Variants in PIBF1 observed in about 807,000 individuals in gnomAD.
PIBF1 encodes the protein progesterone-induced-blocking factor 1.
Under a neutral mutation model 112.5 loss-of-function variants are expected in PIBF1, and 90 were observed. That is an observed-to-expected ratio of 0.80 (90% CI 0.67 to 0.95). The LOEUF (loss-of-function observed/expected upper bound fraction) is 0.95, where lower values mean the gene tolerates loss of function less well. PIBF1 is among the 40% of genes least tolerant of loss of function. The pLI, the probability that PIBF1 is intolerant of heterozygous loss-of-function variation, is 0.00. For synonymous variants in PIBF1, 301 were observed against 288.6 expected (o/e 1.04, Z -0.44); for missense variants, 915 against 852.3 (o/e 1.07, Z -0.92).
intron 14 of PIBF1, among the ~76,000 whole-genome samples, chr13:72,957,497 C>A (rs1239079046): frequency 2.0e-5 from 3 of 152,024 alleles, no homozygotes; most frequent in Admixed American, 2.0e-4. Flanking sequence ...ATACAGTGGA[C>A]TTTGGGGACT....
intron 17 of PIBF1, among the ~76,000 whole-genome samples, chr13:73,004,691 T>C (rs1256655921): frequency 6.6e-6 from 1 of 152,126 alleles, no homozygotes. Context: ...AAAAGGGAAA[T>C]AAAAGTAGAT....
chr13:72,811,054 G>A (rs572024634), intron 5 of PIBF1, among the ~76,000 whole-genome samples: 2 of 152,108 alleles, frequency 1.3e-5, no homozygotes, highest in Admixed American at 6.6e-5. Context: ...TAGAGACAGG[G>A]TTTCACTGTG....
chr13:72,987,866 T>TTTA (rs2043353689), intron 16 of PIBF1, among the ~76,000 whole-genome samples: 4 of 98,148 alleles, frequency 4.1e-5, no homozygotes, highest in African/African-American at 1.7e-4. Flanking sequence ...TTATTTTTTT[T>TTTA]TTTTTTTTTT....
chr13:72,847,550 G>T (rs1252647539), intron 9 of PIBF1, among the ~76,000 whole-genome samples: 2 of 152,136 alleles, frequency 1.3e-5, no homozygotes, highest in Non-Finnish European at 1.5e-5. Context: ...TCTTAATACT[G>T]TTAGAATGGA....
chr13:72,853,778 C>T lies in PIBF1; in HGVS notation c.1224-279C>T, dbSNP rs184805362. ...AATTACACCTATCTCATTGGATTCT[C>T]GTAAGGAATACATAAATTACTATAT... On this transcript the variant is annotated intron_variant, in intron 9 of 17. Transcript: ENST00000326291. 1.6e-3 allele frequency among the ~76,000 whole-genome samples: 245 copies of T among 152,212 alleles called. 1 individual carries two copies. The highest frequency in any genetic ancestry group is 5.6e-3 in the African/African-American group (233 of 41,536).
chr13:73,010,913 A>T (rs2044184726), intron 17 of PIBF1, among the ~76,000 whole-genome samples: 1 of 120,912 alleles, frequency 8.3e-6, no homozygotes, highest in African/African-American at 3.1e-5. Context: ...TGCAACCTCC[A>T]CCTCCCAGGT....
chr13:72,923,999 T>C (rs1346807115), intron 13 of PIBF1, among the ~76,000 whole-genome samples: 1 of 152,162 alleles, frequency 6.6e-6, no homozygotes, highest in East Asian at 1.9e-4. Flanking sequence ...ATCTTAGGAC[T>C]TGTTTTCATT....
chr13:72,896,221 T>A (rs2040276808), intron 11 of PIBF1, among the ~76,000 whole-genome samples: 1 of 152,084 alleles, frequency 6.6e-6, no homozygotes, highest in African/African-American at 2.4e-5. Flanking sequence ...GCATTTTGGC[T>A]CACGGGAAGC....
At chr13:72,801,719 T>C (rs2035485277) in intron 5 of PIBF1, among the ~76,000 whole-genome samples, 2 of 152,206 alleles carry the variant, frequency 1.3e-5, no homozygotes, top group African/African-American at 4.8e-5. Context: ...TCCAGTAAAA[T>C]GTGAATCACA....
chr13:72,852,369 C>A (rs955061760), intron 9 of PIBF1, among the ~76,000 whole-genome samples: 3 of 152,212 alleles, frequency 2.0e-5, no homozygotes, highest in Non-Finnish European at 4.4e-5. Context: ...AAGCCTGGAG[C>A]CGCCTACCCC....
At chr13:72,859,377 G>A (rs2038591646) in intron 10 of PIBF1, among the ~76,000 whole-genome samples, 1 of 152,072 alleles carries the variant, frequency 6.6e-6, no homozygotes, top group Admixed American at 6.6e-5. Context: ...GCAATTCAAG[G>A]CCAGGTAAAT....
intron 13 of PIBF1, among the ~76,000 whole-genome samples, chr13:72,920,354 GA>G (rs2041245450): frequency 6.6e-6 from 1 of 152,166 alleles, no homozygotes; most frequent in African/African-American, 2.4e-5. Flanking sequence ...TGAATGACGG[GA>G]AAGTAAGGCT....
At chr13:72,844,728 TACACACACACACACAC>T (rs1156334355) in intron 9 of PIBF1, among the ~76,000 whole-genome samples, 1,054 of 53,196 alleles carry the variant, frequency 0.02, 24 homozygotes, top group Admixed American at 0.04. Flanking sequence ...TAATTTTATT[TACACACACACACACAC>T]ACACACACAC....
chr13:72,814,035 A>G (rs2036146807), intron 5 of PIBF1, among the ~76,000 whole-genome samples: 1 of 152,152 alleles, frequency 6.6e-6, no homozygotes, highest in Non-Finnish European at 1.5e-5. Flanking sequence ...CCACTAGGTG[A>G]GGGAATCGAT....
At chr13:72,876,777 C>A (rs1311697053) in intron 10 of PIBF1, among the ~76,000 whole-genome samples, 2 of 152,162 alleles carry the variant, frequency 1.3e-5, no homozygotes, top group Non-Finnish European at 2.9e-5. Flanking sequence ...GCCCTTGTAT[C>A]CTGCAACATT....
intron 16 of PIBF1, among the ~76,000 whole-genome samples, chr13:72,993,775 C>T (rs1205831804): frequency 6.7e-6 from 1 of 150,270 alleles, no homozygotes; most frequent in East Asian, 2.0e-4. Context: ...ATCAGGATGG[C>T]ATCAGAGTTT....
intron 10 of PIBF1, among the ~76,000 whole-genome samples, chr13:72,892,386 A>G (rs1444811825): frequency 1.3e-5 from 2 of 152,152 alleles, no homozygotes; most frequent in African/African-American, 4.8e-5. Context: ...GAAGTAGCCC[A>G]TGGTGTATAT....
chr13:72,811,595 C>CAAA (rs770232789), intron 5 of PIBF1, among the ~76,000 whole-genome samples: 5 of 40,084 alleles, frequency 1.2e-4, no homozygotes, highest in African/African-American at 2.8e-4. Context: ...AACTCCGTCT[C>CAAA]AAAAAAAAAA....
intron 12 of PIBF1, among the ~76,000 whole-genome samples, chr13:72,911,173 A>G (rs2040879873): frequency 6.6e-6 from 1 of 152,056 alleles, no homozygotes; most frequent in Non-Finnish European, 1.5e-5. Context: ...TGGGCAACAT[A>G]GCGTGACCTC....
Sources: allele counts gnomAD v4.1 joint callset (sites outside exome capture counted in the v4.1 genomes callset), GRCh38; gene constraint gnomAD v4.1.1; transcripts MANE v1.5; gene names NCBI Gene and HGNC (gene_info 2026-07-23, HGNC 2026-07-21).